Variants in RFX3 observed in about 807,000 individuals in gnomAD.
The protein encoded by RFX3 is transcription factor RFX3.
Under a neutral mutation model 98.6 loss-of-function variants are expected in RFX3, and 14 were observed. The observed-to-expected ratio is 0.14, with a 90% CI of 0.09 to 0.22. RFX3 has a LOEUF of 0.22. RFX3 is among the 10% of genes least tolerant of loss of function. RFX3 has a pLI of 1.00. For missense variants in RFX3, 639 were observed against 926.9 expected (o/e 0.69, Z 4.03); for synonymous variants, 383 against 328.4 (o/e 1.17, Z -1.80).
chr9:3,459,970 G>A (rs1847541025), intron 1 of RFX3, among the ~76,000 whole-genome samples: 1 of 151,986 alleles, frequency 6.6e-6, no homozygotes, highest in Admixed American at 6.6e-5. Context: ...TATTGCTTTT[G>A]TAATCGAGGA....
In RFX3 at chr9:3,248,113, G is replaced by C. The variant is rs1461324019; in HGVS notation, c.1887C>G (p.Leu629=). Residue 629 remains leucine, a synonymous_variant, in exon 15 of 17, where the codon CTC becomes CTG. Transcript: ENST00000617270. ...CTAAGTAAAACATATATTCGTCGTA[G>C]AGTAGACGGATCAGGTGGAAGGAGC... is the stretch of plus-strand genomic sequence containing the variant. ...SFGSFHLIRL[L]YDEYMFYLVE... 1.9e-6 allele frequency: 3 copies of C among 1,613,940 alleles called. No homozygotes were observed. Among genetic ancestry groups the C allele is most frequent in the Non-Finnish European group, 1.7e-6 (2 of 1,179,912 alleles).
At chr9:3,276,747 T>C (rs185650538) in intron 8 of RFX3, among the ~76,000 whole-genome samples, 256 of 152,182 alleles carry the variant, frequency 1.7e-3, no homozygotes, top group Middle Eastern at 6.8e-3. Flanking sequence ...AAAATATGCA[T>C]GTTCATCTCT....
chr9:3,225,148 C>A lies in RFX3; in HGVS notation c.2144G>T (p.Gly715Val), dbSNP rs1817619396. Residue 715 changes from glycine (G) to valine (V), a missense_variant, in exon 17 of 17, where the codon GGC becomes GTC. Transcript: ENST00000617270. ...VGCMQPVLET[G>V]VQPSLLNPIH... The stretch of plus-strand genomic sequence containing the variant: ...TGGATTCAGGAGGCTTGGTTGCACG[C>A]CAGTCTCGAGAACAGGCTGCATGCA... 1 of 1,613,982 alleles carries A rather than the reference C, an allele frequency of 6.2e-7. No individual in the cohort carries two copies. The highest frequency in any genetic ancestry group is 8.5e-7 in the Non-Finnish European group (1 of 1,179,942).
intron 4 of RFX3, among the ~76,000 whole-genome samples, chr9:3,317,281 T>C (rs575581551): frequency 4.9e-4 from 75 of 152,324 alleles, no homozygotes; most frequent in African/African-American, 1.8e-3. Context: ...GGATTCCCTA[T>C]TTAATAAATG....
intron 3 of RFX3, among the ~76,000 whole-genome samples, chr9:3,337,333 C>G (rs930731045): frequency 2.0e-5 from 3 of 152,088 alleles, no homozygotes; most frequent in African/African-American, 7.2e-5. Flanking sequence ...CTAAAGGCAG[C>G]CAGAATGAGC....
chr9:3,492,749 C>T (rs1199573622), intron 1 of RFX3, among the ~76,000 whole-genome samples: 1 of 152,112 alleles, frequency 6.6e-6, no homozygotes, highest in Non-Finnish European at 1.5e-5. Context: ...TGCCACTATG[C>T]TCTAGAACAG....
At chr9:3,318,076 T>G (rs571529165) in intron 4 of RFX3, among the ~76,000 whole-genome samples, 2 of 152,352 alleles carry the variant, frequency 1.3e-5, no homozygotes, top group African/African-American at 2.4e-5. Flanking sequence ...TGCACACGTA[T>G]GTTTACTGCA....
At chr9:3,232,822 G>A (rs1247595482) in intron 15 of RFX3, among the ~76,000 whole-genome samples, 1 of 149,782 alleles carries the variant, frequency 6.7e-6, no homozygotes, top group Non-Finnish European at 1.5e-5. Context: ...GATGTGGGGT[G>A]AGAGAGGGAG....
chr9:3,497,369 T>C (rs1020111778), intron 1 of RFX3, among the ~76,000 whole-genome samples: 4 of 152,104 alleles, frequency 2.6e-5, no homozygotes, highest in Admixed American at 6.5e-5. Flanking sequence ...AATTTAAATA[T>C]TAAATTCACA....
chr9:3,354,171 G>C (rs575377222), intron 2 of RFX3, among the ~76,000 whole-genome samples: 1 of 152,040 alleles, frequency 6.6e-6, no homozygotes, highest in Admixed American at 6.6e-5. Context: ...AATGAACTAG[G>C]GGACAGTATT....
intron 5 of RFX3, among the ~76,000 whole-genome samples, chr9:3,297,448 G>A (rs892421703): frequency 6.6e-6 from 1 of 151,998 alleles, no homozygotes; most frequent in Non-Finnish European, 1.5e-5. Flanking sequence ...TATTAATCAA[G>A]ATAGACTAAA....
chr9:3,487,894 C>T (rs1204454062), intron 1 of RFX3, among the ~76,000 whole-genome samples: 1 of 152,072 alleles, frequency 6.6e-6, no homozygotes, highest in Non-Finnish European at 1.5e-5. Context: ...GTTTCCTCAT[C>T]CTAAATTTGG....
At chr9:3,486,497 G>C (rs1850287212) in intron 1 of RFX3, among the ~76,000 whole-genome samples, 1 of 152,054 alleles carries the variant, frequency 6.6e-6, no homozygotes, top group Non-Finnish European at 1.5e-5. Context: ...TCTCACTGCT[G>C]TCAATACCCA....
intron 15 of RFX3, among the ~76,000 whole-genome samples, chr9:3,245,683 G>C (rs1317644205): frequency 6.6e-6 from 1 of 152,188 alleles, no homozygotes; most frequent in Admixed American, 6.5e-5. Context: ...GATACAGCAA[G>C]ACTATTATCT....
At chr9:3,469,220 C>A (rs189071133) in intron 1 of RFX3, 324 of 455,244 alleles carry the variant, frequency 7.1e-4, no homozygotes, top group African/African-American at 6.0e-3. Context: ...AAAATGCATA[C>A]TGAATTTGTG....
At chr9:3,299,652 G>A (rs1427393662) in intron 5 of RFX3, among the ~76,000 whole-genome samples, 1 of 151,544 alleles carries the variant, frequency 6.6e-6, no homozygotes, top group Non-Finnish European at 1.5e-5. Context: ...TAAAAAAAAT[G>A]AAGCCATGAA....
At chr9:3,478,239 G>A (rs1415430280) in intron 1 of RFX3, among the ~76,000 whole-genome samples, 1 of 151,630 alleles carries the variant, frequency 6.6e-6, no homozygotes, top group Non-Finnish European at 1.5e-5. Context: ...GAACATTTTA[G>A]GTAATATATT....
chr9:3,484,158 T>A (rs1382370411), intron 1 of RFX3, among the ~76,000 whole-genome samples: 1 of 152,200 alleles, frequency 6.6e-6, no homozygotes, highest in East Asian at 1.9e-4. Flanking sequence ...GCCAAATTAG[T>A]TTGCTATAAA....
intron 1 of RFX3, among the ~76,000 whole-genome samples, chr9:3,512,634 T>A (rs888545235): frequency 6.6e-6 from 1 of 151,928 alleles, no homozygotes; most frequent in African/African-American, 2.4e-5. Flanking sequence ...TCAAACCTCA[T>A]ACAATACTAG....
Sources: gnomAD v4.1 joint callset for allele counts (sites outside exome capture counted in the v4.1 genomes callset) on GRCh38, gnomAD v4.1.1 for gene constraint, MANE v1.5 for transcripts, NCBI Gene and HGNC (gene_info 2026-07-23, HGNC 2026-07-21) for gene names.